The following TOX variants were observed in gnomAD, a reference collection of about 807,000 sequenced individuals.
TOX encodes the protein thymocyte selection-associated high mobility group box protein TOX.
In TOX, 11 loss-of-function variants were observed where a neutral mutation model predicts 53.7. That is an observed-to-expected ratio of 0.20 (90% confidence interval 0.13 to 0.34). The LOEUF (loss-of-function observed/expected upper bound fraction) is 0.34. Among genes scored for constraint, TOX ranks in the 10% least tolerant of loss-of-function variants. The pLI, the probability that TOX is intolerant of heterozygous loss-of-function variation, is 1.00. For synonymous variants in TOX, 225 were observed against 245.3 expected (o/e 0.92, Z 0.77); for missense variants, 570 against 664.6 (o/e 0.86, Z 1.56).
chr8:58,811,181 G>A lies in TOX; in HGVS notation c.1393-2912C>T, dbSNP rs1810069999. ...TCAAATGTAGCACTCAGTAAATATT[G>A]ATTATTGGTGTAAATATGAAACAAC... On this transcript the variant is annotated intron_variant, in intron 7 of 8. Coordinates refer to ENST00000361421, the MANE Select transcript of TOX (RefSeq NM_014729.3). Among the ~76,000 whole-genome samples, 3 of 152,142 alleles carry A rather than the reference G, an allele frequency of 2.0e-5. No individual in the cohort carries two copies. In the South Asian group the frequency reaches 6.2e-4, roughly 32 times the overall value.
chr8:58,832,148 A>AATATGTAAT (rs1810468379), intron 5 of TOX, among the ~76,000 whole-genome samples: 1 of 133,286 alleles, frequency 7.5e-6, no homozygotes, highest in East Asian at 2.3e-4. Context: ...TAATATATGT[A>AATATGTAAT]ATATATAATA....
chr8:58,911,280 C>A (rs1332626407), intron 3 of TOX, among the ~76,000 whole-genome samples: 2 of 152,078 alleles, frequency 1.3e-5, no homozygotes, highest in Admixed American at 6.6e-5. Context: ...TAATTTAATA[C>A]CTTGGACCTG....
At chr8:58,951,574 C>T (rs927616384) in intron 2 of TOX, among the ~76,000 whole-genome samples, 4 of 152,030 alleles carry the variant, frequency 2.6e-5, no homozygotes, top group African/African-American at 9.7e-5. Context: ...TCCCTATTTT[C>T]CCCCACTCCC....
At position 58,888,826 on chromosome 8, in the gene TOX, C is replaced by T. The variant is rs966995153; in HGVS notation, c.412-37021G>A. Among the ~76,000 whole-genome samples the T allele has an allele frequency of 2.0e-5, 3 of 152,038 alleles. No homozygotes were observed. The South Asian group carries it at 6.2e-4, about 32-fold the overall frequency. On this transcript the variant is annotated intron_variant, in intron 3 of 8. Coordinates refer to ENST00000361421, the MANE Select transcript of TOX (RefSeq NM_014729.3). ...TGAATTAAGGAGGGATTACTCAATG[C>T]ATGTCATTGATTTAATAAGTGAATC...
At position 58,931,709 on chromosome 8, in the gene TOX, C is replaced by T. The variant is rs150561741; in HGVS notation, c.411+7593G>A. The stretch of plus-strand genomic sequence containing the variant: ...TCAAATGGTTTAGGTTTACTCCTGC[C>T]TAGACTTAAGAGACTGGATTAAGTA... On this transcript the variant is annotated intron_variant, in intron 3 of 8. Transcript: ENST00000361421. Among the ~76,000 whole-genome samples the T allele has an allele frequency of 2.2e-4, 34 of 152,232 alleles. No individual in the cohort carries two copies. In the East Asian group the frequency reaches 5.6e-3, roughly 25 times the overall value.
intron 3 of TOX, among the ~76,000 whole-genome samples, chr8:58,930,618 G>A (rs532587416): frequency 5.3e-5 from 8 of 152,240 alleles, no homozygotes; most frequent in East Asian, 1.9e-4. Context: ...AATGAGGAGC[G>A]CAGAGCTCAG....
At chr8:58,891,347 T>C (rs545156257) in intron 3 of TOX, among the ~76,000 whole-genome samples, 9 of 151,734 alleles carry the variant, frequency 5.9e-5, no homozygotes, top group African/African-American at 1.7e-4. Context: ...TAAAAGAAAA[T>C]AAAGAGCAGG....
chr8:58,962,181 C>CGCTA (rs1225341708), intron 1 of TOX, among the ~76,000 whole-genome samples: 2 of 152,184 alleles, frequency 1.3e-5, no homozygotes, highest in African/African-American at 4.8e-5. Flanking sequence ...CCAACATGTA[C>CGCTA]GCTAATTGAG....
chr8:58,972,742 T>G (rs1813023268), intron 1 of TOX, among the ~76,000 whole-genome samples: 1 of 152,202 alleles, frequency 6.6e-6, no homozygotes. Flanking sequence ...CTGTATCATA[T>G]TTTTCACATT....
At chr8:59,057,378 T>C (rs144462934) in intron 1 of TOX, among the ~76,000 whole-genome samples, 1 of 152,330 alleles carries the variant, frequency 6.6e-6, no homozygotes, top group Non-Finnish European at 1.5e-5. Context: ...CAAAGTGTCA[T>C]AATACACACC....
At chr8:58,903,768 T>G (rs1053894164) in intron 3 of TOX, among the ~76,000 whole-genome samples, 2 of 152,180 alleles carry the variant, frequency 1.3e-5, no homozygotes, top group Non-Finnish European at 2.9e-5. Flanking sequence ...GAATTACTAA[T>G]GAGTTAACAT....
intron 3 of TOX, among the ~76,000 whole-genome samples, chr8:58,914,365 T>A (rs2129174234): frequency 6.6e-6 from 1 of 152,288 alleles, no homozygotes; most frequent in South Asian, 2.1e-4. Flanking sequence ...TGCAAATAGG[T>A]AGACTCCCTA....
Position 58,899,732 on chromosome 8 carries a change from C to A in TOX, c.411+39570G>T, listed in dbSNP as rs190758302. 1.5e-3 allele frequency among the ~76,000 whole-genome samples: 232 copies of A among 152,232 alleles called. 1 individual carries two copies. Among genetic ancestry groups the A allele is most frequent in the African/African-American group, 5.3e-3 (220 of 41,532 alleles). On this transcript the variant is annotated intron_variant, in intron 3 of 8. Coordinates refer to ENST00000361421, the MANE Select transcript of TOX (RefSeq NM_014729.3). ...TGAAACAACGCTCAAAGGAAATGCT[C>A]CTGGAACATTTTGGATTCCGGATTT... is the stretch of plus-strand genomic sequence containing the variant.
intron 1 of TOX, among the ~76,000 whole-genome samples, chr8:59,047,280 G>T (rs1364492966): frequency 1.6e-5 from 2 of 126,534 alleles, no homozygotes; most frequent in Non-Finnish European, 3.1e-5. Context: ...GCAGTGGCAC[G>T]ATCTCGGCTC....
chr8:58,928,238 C>T (rs114108565), intron 3 of TOX, among the ~76,000 whole-genome samples: 69 of 152,298 alleles, frequency 4.5e-4, no homozygotes, highest in African/African-American at 1.1e-3. Context: ...GCAGAGCGCC[C>T]GCTATTAGCT....
intron 5 of TOX, among the ~76,000 whole-genome samples, chr8:58,830,650 A>G (rs1207432525): frequency 6.6e-6 from 1 of 152,174 alleles, no homozygotes; most frequent in Admixed American, 6.6e-5. Context: ...ATACCATTTA[A>G]TTCCTTCTTC....
chr8:58,912,570 A>G (rs536901867), intron 3 of TOX, among the ~76,000 whole-genome samples: 1 of 152,370 alleles, frequency 6.6e-6, no homozygotes, highest in South Asian at 2.1e-4. Flanking sequence ...TGGGGGTCCC[A>G]ACAACCAGAA....
chr8:58,990,254 G>A (rs766251633), intron 1 of TOX, among the ~76,000 whole-genome samples: 9 of 152,052 alleles, frequency 5.9e-5, no homozygotes, highest in Non-Finnish European at 1.2e-4. Context: ...AATTCAGATG[G>A]GATTTGACTC....
chr8:58,830,413 C>T (rs1810433606), intron 5 of TOX, among the ~76,000 whole-genome samples: 1 of 152,176 alleles, frequency 6.6e-6, no homozygotes, highest in Admixed American at 6.6e-5. Context: ...AATCCTGTCA[C>T]ATGATCTAGT....
Sources: gnomAD v4.1 joint callset for allele counts (sites outside exome capture counted in the v4.1 genomes callset) on GRCh38, gnomAD v4.1.1 for gene constraint, MANE v1.5 for transcripts, NCBI Gene and HGNC (gene_info 2026-07-23, HGNC 2026-07-21) for gene names.